The following LRRFIP1 variants were observed in gnomAD, a reference collection of about 807,000 sequenced individuals.
LRRFIP1 encodes LRR binding FLII interacting protein 1.
A neutral mutation model predicts 104.4 loss-of-function variants in LRRFIP1; 62 were observed. The ratio of observed to expected loss-of-function variants is 0.59; its 90% CI spans 0.48 to 0.73. LRRFIP1 has a LOEUF of 0.73. Among genes scored for constraint, LRRFIP1 ranks in the 30% least tolerant of loss-of-function variants. LRRFIP1 has a pLI of 0.00. For synonymous variants in LRRFIP1, 300 were observed against 299.0 expected (o/e 1.00, Z -0.03); for missense variants, 796 against 824.5 (o/e 0.97, Z 0.42).
intron 1 of LRRFIP1, among the ~76,000 whole-genome samples, chr2:237,655,889 C>T (rs532924750): frequency 5.3e-5 from 8 of 152,234 alleles, no homozygotes; most frequent in Non-Finnish European, 8.8e-5. Flanking sequence ...ATGAAAAAGA[C>T]TCACAATTCC....
intron 1 of LRRFIP1, 113 bp downstream of exon 1, chr2:237,627,853 T>C: frequency 1.4e-6 from 1 of 690,704 alleles, no homozygotes; most frequent in Non-Finnish European, 1.9e-6. Context: ...CCACTGCGCG[T>C]CCGGCTCCAG....
chr2:237,648,587 G>T (rs561165260), intron 1 of LRRFIP1, among the ~76,000 whole-genome samples: 2 of 151,312 alleles, frequency 1.3e-5, no homozygotes, highest in East Asian at 3.9e-4. Flanking sequence ...AAAAGATACC[G>T]CAGTTCACGC....
intron 1 of LRRFIP1, among the ~76,000 whole-genome samples, chr2:237,633,008 T>C (rs2082609505): frequency 6.6e-6 from 1 of 152,246 alleles, no homozygotes; most frequent in Non-Finnish European, 1.5e-5. Flanking sequence ...AACTGAGTGC[T>C]GCTGGACACT....
At position 237,733,788 on chromosome 2, in the gene LRRFIP1, C is replaced by CA. The variant is rs1559717365; in HGVS notation, c.460dup (p.Ser154LysfsTer16). On this transcript the variant is annotated frameshift_variant, in exon 9 of 24. Transcript: ENST00000308482. LOFTEE classifies it high-confidence loss of function. ...TCATCCTCCAGCCCTCCTGTCTGTA[C>CA]AGCGCTGCCCGGCCTTCGGGGAGTT... is the stretch of plus-strand genomic sequence containing the variant. 2 of 1,614,048 alleles carry CA rather than the reference C, an allele frequency of 1.2e-6. No homozygotes were observed. The highest frequency in any genetic ancestry group is 2.2e-5 in the South Asian group (2 of 91,090).
chr2:237,663,682 T>G (rs1477576038), intron 1 of LRRFIP1, among the ~76,000 whole-genome samples: 5 of 152,114 alleles, frequency 3.3e-5, no homozygotes, highest in African/African-American at 1.2e-4. Context: ...TCTGACAGGG[T>G]GCTTGGGGAG....
At chr2:237,646,052 G>A (rs2084863582) in intron 1 of LRRFIP1, among the ~76,000 whole-genome samples, 1 of 152,016 alleles carries the variant, frequency 6.6e-6, no homozygotes, top group East Asian at 1.9e-4. Context: ...TAGCAGCAGC[G>A]AAGGAGTTAA....
At chr2:237,633,157 AG>A (rs767738559) in intron 1 of LRRFIP1, among the ~76,000 whole-genome samples, 46 of 152,242 alleles carry the variant, frequency 3.0e-4, no homozygotes, top group Non-Finnish European at 5.6e-4. Context: ...GCCGCAGTGG[AG>A]TCACTGAGGG....
intron 1 of LRRFIP1, among the ~76,000 whole-genome samples, chr2:237,636,678 C>A (rs2083171055): frequency 6.6e-6 from 1 of 152,060 alleles, no homozygotes; most frequent in African/African-American, 2.4e-5. Context: ...CTCAGCTACC[C>A]TTTCATATTT....
intron 19 of LRRFIP1, among the ~76,000 whole-genome samples, chr2:237,760,940 T>C (rs2059793569): frequency 6.6e-6 from 1 of 152,352 alleles, no homozygotes; most frequent in East Asian, 1.9e-4. Context: ...TCATAAGAGT[T>C]GGCTTTGGGA....
At chr2:237,700,004 G>A (rs191653961) in intron 1 of LRRFIP1, among the ~76,000 whole-genome samples, 3 of 152,342 alleles carry the variant, frequency 2.0e-5, no homozygotes, top group Non-Finnish European at 4.4e-5. Context: ...GCCTCTGGGG[G>A]ACATGGGGTG....
At chr2:237,655,457 T>C (rs1454137388) in intron 1 of LRRFIP1, among the ~76,000 whole-genome samples, 1 of 151,974 alleles carries the variant, frequency 6.6e-6, no homozygotes, top group Non-Finnish European at 1.5e-5. Flanking sequence ...AAAGAAGGAT[T>C]GACATTTGTA....
intron 12 of LRRFIP1, among the ~76,000 whole-genome samples, 158 bp from the exon 13 acceptor site, chr2:237,749,041 C>T (rs751326747): frequency 3.3e-5 from 5 of 152,192 alleles, no homozygotes; most frequent in East Asian, 1.9e-4. Context: ...CTCACTATCA[C>T]GAGAACAGCA....
chr2:237,685,648 G>A (rs1306311277), intron 1 of LRRFIP1, among the ~76,000 whole-genome samples: 2 of 152,118 alleles, frequency 1.3e-5, no homozygotes, highest in African/African-American at 2.4e-5. Flanking sequence ...AGTACAAGAT[G>A]CCAGTGCCTG....
chr2:237,764,060 C>G (rs3739038), intron 19 of LRRFIP1: 419,590 of 1,613,890 alleles, frequency 0.26, 58,563 homozygotes, highest in East Asian at 0.55. Context: ...AGAGCCAGGG[C>G]ACTTCAATCC....
At position 237,711,791 on chromosome 2, in the gene LRRFIP1, G is replaced by A. The variant is rs920370344; in HGVS notation, c.184-2468G>A. The stretch of plus-strand genomic sequence containing the variant: ...ACACCGAGTGAAGCAGCTCTACCGG[G>A]GGGTGGGGAAGCCACTCCTTGTGGC... On this transcript the variant is annotated intron_variant, in intron 2 of 23. Transcript: ENST00000308482. The surrounding 1 kb of genome is among the most constrained non-coding windows in gnomAD (Gnocchi z 4.4). 2.6e-5 allele frequency among the ~76,000 whole-genome samples: 4 copies of A among 152,152 alleles called. No homozygotes were observed. The highest frequency in any genetic ancestry group is 4.1e-4 in the South Asian group (2 of 4,832).
chr2:237,719,615 A>AT, intron 5 of LRRFIP1, 48 bp downstream of exon 5: 1 of 1,439,950 alleles, frequency 6.9e-7, no homozygotes, highest in Non-Finnish European at 9.7e-7. Flanking sequence ...TTGAATTCTA[A>AT]TTTATGCTTG....
chr2:237,639,166 C>T (rs2149302482), intron 1 of LRRFIP1, among the ~76,000 whole-genome samples: 1 of 152,216 alleles, frequency 6.6e-6, no homozygotes, highest in Middle Eastern at 3.4e-3. Context: ...TAGAAGGAGG[C>T]AGTTGTGCTT....
intron 1 of LRRFIP1, among the ~76,000 whole-genome samples, chr2:237,628,360 C>A (rs1054054173): frequency 9.9e-5 from 15 of 152,160 alleles, no homozygotes; most frequent in African/African-American, 3.6e-4. Context: ...TTTATTGTAA[C>A]TAAGATCATG....
chr2:237,697,196 T>C (rs952915440), intron 1 of LRRFIP1, among the ~76,000 whole-genome samples: 5 of 152,140 alleles, frequency 3.3e-5, no homozygotes, highest in Non-Finnish European at 7.4e-5. Context: ...CTAATTTTTG[T>C]ATTTTTAGTA....
Sources: allele counts gnomAD v4.1 joint callset (sites outside exome capture counted in the v4.1 genomes callset), GRCh38; gene constraint gnomAD v4.1.1; non-coding constraint Gnocchi (gnomAD v3.1); transcripts MANE v1.5; gene names NCBI Gene and HGNC (gene_info 2026-07-23, HGNC 2026-07-21).